The following TRANK1 variants were observed in gnomAD, a reference collection of about 807,000 sequenced individuals.
TRANK1 encodes tetratricopeptide repeat and ankyrin repeat containing 1, also known as TPR and ankyrin repeat-containing protein 1.
Under a neutral mutation model 266.0 loss-of-function variants are expected in TRANK1, and 198 were observed. That is an observed-to-expected ratio of 0.74 (90% confidence interval 0.66 to 0.84). The LOEUF (loss-of-function observed/expected upper bound fraction) is 0.84. Among genes scored for constraint, TRANK1 ranks in the 40% least tolerant of loss-of-function variants. The pLI, the probability that TRANK1 is intolerant of heterozygous loss-of-function variation, is 0.00. For missense variants in TRANK1, 3,326 were observed against 3,634.6 expected, an observed-to-expected ratio of 0.92 and a Z score of 2.18; for synonymous variants, 1,396 against 1,384.1, an observed-to-expected ratio of 1.01 and a Z score of -0.19.
chr3:36,828,075 G>A lies in TRANK1; in HGVS notation c.*200C>T. The stretch of plus-strand genomic sequence containing the variant: ...AACTAATACTGCCAGACTCTACTTG[G>A]AAACACTTTAGAGGTGAGGGAGCAA... On this transcript the variant is annotated 3_prime_UTR_variant, in exon 24 of 24. Transcript: ENST00000645898. 1 of 534,622 alleles carries A rather than the reference G, an allele frequency of 1.9e-6. No individual in the cohort carries two copies. Among genetic ancestry groups the A allele is most frequent in the Non-Finnish European group, 3.4e-6 (1 of 298,144 alleles). 33.1% of individuals were successfully genotyped at this position (534,622 alleles called of 1,614,324 possible). A position where few individuals can be genotyped will look rare whatever the true frequency, so the allele number is the denominator to read the frequency against.
chr3:36,891,127 A>G (rs1487871222), intron 7 of TRANK1, among the ~76,000 whole-genome samples: 1 of 152,096 alleles, frequency 6.6e-6, no homozygotes, highest in African/African-American at 2.4e-5. Context: ...ATCACTTGAG[A>G]TCAGGAGTTT....
At chr3:36,847,614 T>A (rs2078933248) in intron 15 of TRANK1, among the ~76,000 whole-genome samples, 3 of 152,186 alleles carry the variant, frequency 2.0e-5, no homozygotes, top group Admixed American at 2.0e-4. Context: ...GGAAGAATGC[T>A]AAGGGCTCAG....
At chr3:36,847,093 G>A in intron 16 of TRANK1, 107 bp downstream of exon 16, 1 of 1,356,334 alleles carries the variant, frequency 7.4e-7, no homozygotes, top group Non-Finnish European at 9.8e-7. Flanking sequence ...CCGTTGCTGA[G>A]GAAAACCAGC....
At position 36,856,413 on chromosome 3, in the gene TRANK1, C is replaced by A. The variant is rs2079055003; in HGVS notation, c.3309G>T (p.Gln1103His). Residue 1103 changes from glutamine (Q) to histidine (H), a missense_variant, in exon 13 of 24, where the codon CAG becomes CAT. Physicochemically the swap from Gln to His is conservative, Grantham distance 24 (BLOSUM62 0). Transcript: ENST00000645898. ...KFHVYWEKAE[Q>H]AGSPLLAKQV... ...GTTTGGCCAGCAATGGGCTTCCTGC[C>A]TGCTCAGCTTTTTCCCAGTAAACGT... 6.2e-7 allele frequency: 1 copy of A among 1,612,242 alleles called. No homozygotes were observed. Among genetic ancestry groups the A allele is most frequent in the Admixed American group, 1.7e-5 (1 of 59,618 alleles).
chr3:36,833,769 G>C lies in TRANK1; in HGVS notation c.5814C>G (p.Asp1938Glu). Residue 1938 changes from aspartate to glutamate, a missense_variant, in exon 22 of 24, where the codon GAC becomes GAG. Physicochemically the swap from Asp to Glu is conservative, Grantham distance 45 (BLOSUM62 2). Coordinates refer to ENST00000645898, the MANE Select transcript of TRANK1 (RefSeq NM_001329998.2). The part of the protein sequence containing the change: ...MAVLSKLDIE[D>E]QLVFLKSRKR... ...TCCGAGACTTCAAGAACACCAGCTGGTCTTCTATGTCTAGCTTTGAGAGGA... is the reference window on the plus strand; with the variant it reads ...TCCGAGACTTCAAGAACACCAGCTGCTCTTCTATGTCTAGCTTTGAGAGGA... 2 of 1,613,974 alleles carry C rather than the reference G, an allele frequency of 1.2e-6. No individual in the cohort carries two copies. Among genetic ancestry groups the C allele is most frequent in the Middle Eastern group, 1.6e-4 (1 of 6,062 alleles).
chr3:36,866,108 GAA>G (rs1438796590), intron 9 of TRANK1, among the ~76,000 whole-genome samples: 5 of 150,294 alleles, frequency 3.3e-5, no homozygotes, highest in African/African-American at 1.2e-4. Context: ...AAGAAAGAAA[GAA>G]AGAAAGAGTC....
intron 8 of TRANK1, among the ~76,000 whole-genome samples, chr3:36,879,956 G>A (rs181993688): frequency 0.015 from 126 of 8,194 alleles, 25 homozygotes; most frequent in South Asian, 0.019. Context: ...GCAAATATAT[G>A]TAAACATGCA....
chr3:36,912,708 T>A (rs1575306775), intron 1 of TRANK1, among the ~76,000 whole-genome samples: 1 of 152,302 alleles, frequency 6.6e-6, no homozygotes, highest in Admixed American at 6.5e-5. Context: ...TCATTGTGTA[T>A]ACGTATACAC....
rs1328046536 is a variant in TRANK1 at position 36,857,468 on chromosome 3, C to A, written c.2254G>T (p.Asp752Tyr). ...QVEVDPSFPEDCLQSSEPLEA... is the reference protein window; with the variant it reads ...QVEVDPSFPEYCLQSSEPLEA... ...AGAGGCTCAGAGCTCTGAAGACAGT[C>A]CTCTGGGAAAGACGGATCCACTTCA... is the stretch of plus-strand genomic sequence containing the variant. The change falls in exon 13 of 24, where the codon GAC becomes TAC. Residue 752 changes from aspartate (D) to tyrosine (Y), a missense_variant. Physicochemically the swap from Asp to Tyr is radical, Grantham distance 160. Coordinates refer to ENST00000645898, the MANE Select transcript of TRANK1 (RefSeq NM_001329998.2). This position sits in a 1 kb window ranked among gnomAD's most constrained non-coding sequence, Gnocchi z 4.3. 6.2e-7 allele frequency: 1 copy of A among 1,613,960 alleles called. No homozygotes were observed. The highest frequency in any genetic ancestry group is 1.7e-5 in the Admixed American group (1 of 60,024).
chr3:36,870,922 G>C (rs986188560), intron 9 of TRANK1, among the ~76,000 whole-genome samples: 6 of 126,758 alleles, frequency 4.7e-5, no homozygotes, highest in African/African-American at 1.8e-4. Context: ...GGCATTTTTA[G>C]GATTAACAGA....
At position 36,855,267 on chromosome 3, in the gene TRANK1, G is replaced by A. The variant is rs775218539; in HGVS notation, c.4455C>T (p.Phe1485=). 1.9e-6 allele frequency: 3 copies of A among 1,614,072 alleles called. No homozygotes were observed. The South Asian group carries it at 3.3e-5, about 18-fold the overall frequency. The part of the protein sequence containing the change: ...AFRFSDLRSL[F]HYASRNTIDK... The stretch of plus-strand genomic sequence containing the variant: ...CTATGGTGTTTCTGCTGGCATAATG[G>A]AACAGAGAGCGCAGATCGCTGAAGC... Residue 1485 remains phenylalanine (F), a synonymous_variant, in exon 13 of 24, where the codon TTC becomes TTT. Coordinates refer to ENST00000645898, the MANE Select transcript of TRANK1 (RefSeq NM_001329998.2).
rs200052241 is a variant in TRANK1 at position 36,832,166 on chromosome 3, T to G, written c.7417A>C (p.Asn2473His). ...CGVVLARLWK[N>H]VILCLPKSYI... ...CTCTTGGGGAGGCATAGAATGACAT[T>G]CTTCCAGAGGCGGGCCAGCACCACC... Residue 2473 changes from asparagine to histidine, a missense_variant, in exon 22 of 24, where the codon AAT becomes CAT. Transcript: ENST00000645898. The G allele has an allele frequency of 2.6e-4, 413 of 1,613,816 alleles. No individual in the cohort carries two copies. The highest frequency in any genetic ancestry group is 3.4e-4 in the Non-Finnish European group (400 of 1,179,886).
intron 18 of TRANK1, among the ~76,000 whole-genome samples, chr3:36,839,790 C>T (rs1218989889): frequency 6.6e-6 from 1 of 152,138 alleles, no homozygotes; most frequent in Non-Finnish European, 1.5e-5. Flanking sequence ...TTCCTGGGAT[C>T]TAAATATAAT....
intron 1 of TRANK1, 130 bp downstream of exon 1, chr3:36,944,657 G>A: frequency 8.9e-7 from 1 of 1,120,282 alleles, no homozygotes; most frequent in Non-Finnish European, 1.2e-6. Context: ...GCCCCACAGG[G>A]ATGGCCGGGC....
intron 15 of TRANK1, among the ~76,000 whole-genome samples, chr3:36,848,709 A>C (rs528333398): frequency 1.3e-5 from 2 of 152,362 alleles, no homozygotes; most frequent in South Asian, 4.1e-4. Flanking sequence ...GAAATCACTT[A>C]GGTAGTTGGA....
In TRANK1 at chr3:36,878,843, G is replaced by C. The variant is rs189427796; in HGVS notation, c.908-4547C>G. ...AATCTTTTTAAATGCCCATTTAACT[G>C]TCTTGTTTAATTAAAACGTACTAGG... On this transcript the variant is annotated intron_variant, in intron 8 of 23. Coordinates refer to ENST00000645898, the MANE Select transcript of TRANK1 (RefSeq NM_001329998.2). 3.3e-5 allele frequency among the ~76,000 whole-genome samples: 5 copies of C among 151,328 alleles called. No individual in the cohort carries two copies. The East Asian group carries it at 9.7e-4, about 29-fold the overall frequency.
intron 1 of TRANK1, among the ~76,000 whole-genome samples, chr3:36,912,624 C>G (rs1267240562): frequency 6.6e-6 from 1 of 152,198 alleles, no homozygotes; most frequent in South Asian, 2.1e-4. Flanking sequence ...AAGAAAAATG[C>G]AAATGCACTG....
chr3:36,879,646 A>G (rs1375885358), intron 8 of TRANK1, among the ~76,000 whole-genome samples: 1 of 79,462 alleles, frequency 1.3e-5, no homozygotes, highest in Non-Finnish European at 2.3e-5. Flanking sequence ...AAATATACAA[A>G]TATATATAAA....
Position 36,856,044 on chromosome 3 carries a change from G to A in TRANK1, c.3678C>T (p.Asp1226=), listed in dbSNP as rs543109189. ...GGTCCTGGAGTTTGTGAATGTTGGGGTCCAGTGGTTTGTAATGACTAGTGG... is the reference window on the plus strand; with the variant it reads ...GGTCCTGGAGTTTGTGAATGTTGGGATCCAGTGGTTTGTAATGACTAGTGG... ...TKATSHYKPL[D]PNIHKLQDLR... is the part of the protein sequence containing the mutation. The change falls in exon 13 of 24, where the codon GAC becomes GAT. Residue 1226 remains aspartate, a synonymous_variant. Coordinates refer to ENST00000645898, the MANE Select transcript of TRANK1 (RefSeq NM_001329998.2). 8.1e-6 allele frequency: 13 copies of A among 1,613,776 alleles called. No individual in the cohort carries two copies. In the African/African-American group the frequency reaches 1.3e-4, roughly 17 times the overall value.
Sources: allele counts gnomAD v4.1 joint callset (sites outside exome capture counted in the v4.1 genomes callset), GRCh38; gene constraint gnomAD v4.1.1; non-coding constraint Gnocchi (gnomAD v3.1); transcripts MANE v1.5; gene names NCBI Gene and HGNC (gene_info 2026-07-23, HGNC 2026-07-21).